Variants in KCNN3 observed in about 807,000 individuals in gnomAD.
KCNN3 encodes the protein small conductance calcium-activated potassium channel protein 3.
Under a neutral mutation model 62.9 loss-of-function variants are expected in KCNN3, and 16 were observed. The ratio of observed to expected loss-of-function variants is 0.25; its 90% CI spans 0.17 to 0.39. The LOEUF (loss-of-function observed/expected upper bound fraction) is 0.39. Ranked by LOEUF, KCNN3 falls within the 10% of genes least tolerant of loss-of-function variation. KCNN3 has a pLI of 1.00. For synonymous variants in KCNN3, 370 were observed against 389.2 expected (o/e 0.95, Z 0.58); for missense variants, 599 against 949.4 (o/e 0.63, Z 4.85).
rs1302977603 is a variant in KCNN3, at chr1:154,698,084, C to T, written c.*9892G>A. ...TTGGAGGAAGAGCTTTAAGGAATGA[C>T]AGCAGTAGAAATGCAGCTAGATATA... On this transcript the variant is annotated 3_prime_UTR_variant, in exon 8 of 8. Transcript: ENST00000271915. 1 of 152,154 alleles carries T rather than the reference C, an allele frequency of 6.6e-6. No homozygotes were observed. The highest frequency in any genetic ancestry group is 1.5e-5 in the Non-Finnish European group (1 of 68,014). 9.4% of individuals were successfully genotyped at this position (152,154 alleles called of 1,614,324 possible).
intron 7 of KCNN3, among the ~76,000 whole-genome samples, chr1:154,711,064 T>C (rs928169968): frequency 1.3e-5 from 2 of 152,104 alleles, no homozygotes; most frequent in African/African-American, 2.4e-5. Flanking sequence ...TGTGGCACTA[T>C]TCACAATAGC....
Position 154,869,007 on chromosome 1 carries a change from T to A in KCNN3, c.933+25A>T. On this transcript the variant is annotated intron_variant, in intron 1 of 7. Coordinates refer to ENST00000271915, the MANE Select transcript of KCNN3 (RefSeq NM_002249.6). The surrounding 1 kb of genome is among the most constrained non-coding windows in gnomAD (Gnocchi z 6.1). ...ACCTACATATTCCTTTTGTTCAAGG[T>A]ATAAAGAGAAACCACAGCCCCTACC... is the stretch of plus-strand genomic sequence containing the variant. The A allele has an allele frequency of 1.2e-6, 2 of 1,611,226 alleles. No homozygotes were observed. Among genetic ancestry groups the A allele is most frequent in the Non-Finnish European group, 1.7e-6 (2 of 1,177,742 alleles).
chr1:154,786,189 G>T (rs1649275089), intron 2 of KCNN3, among the ~76,000 whole-genome samples: 4 of 152,014 alleles, frequency 2.6e-5, no homozygotes, highest in Admixed American at 2.0e-4. Flanking sequence ...CAGCGCCCAG[G>T]GCCACCCAAA....
At chr1:154,838,931 A>C (rs1651710809) in intron 1 of KCNN3, among the ~76,000 whole-genome samples, 1 of 152,266 alleles carries the variant, frequency 6.6e-6, no homozygotes, top group African/African-American at 2.4e-5. Flanking sequence ...CTTTGACAGT[A>C]CCTTGTTTCT....
intron 1 of KCNN3, chr1:154,859,798 G>A (rs996142683): frequency 1.2e-6 from 2 of 1,613,588 alleles, no homozygotes; most frequent in Non-Finnish European, 1.7e-6. Context: ...AGGAGTAGGT[G>A]CCAGCTCAGT....
chr1:154,744,458 G>A (rs1040179227), intron 3 of KCNN3, among the ~76,000 whole-genome samples: 5 of 152,246 alleles, frequency 3.3e-5, no homozygotes, highest in South Asian at 2.1e-4. Context: ...AGGGTGGGGC[G>A]TGGAGGCAGC....
At chr1:154,765,972 T>C (rs1234128561) in intron 3 of KCNN3, among the ~76,000 whole-genome samples, 1 of 152,090 alleles carries the variant, frequency 6.6e-6, no homozygotes, top group Non-Finnish European at 1.5e-5. Flanking sequence ...AATGTTGCTT[T>C]TTGTTTTTCA....
chr1:154,761,926 T>C (rs1648036348), intron 3 of KCNN3, among the ~76,000 whole-genome samples: 1 of 152,064 alleles, frequency 6.6e-6, no homozygotes, highest in South Asian at 2.1e-4. Flanking sequence ...GGCGACAGAA[T>C]GAGACTCCGC....
chr1:154,748,729 G>A (rs562978821), intron 3 of KCNN3, among the ~76,000 whole-genome samples: 6 of 152,332 alleles, frequency 3.9e-5, no homozygotes, highest in Middle Eastern at 3.4e-3. Context: ...GGGAGGCTGA[G>A]ACAGAAGGAT....
At chr1:154,808,293 G>C (rs958644877) in intron 2 of KCNN3, among the ~76,000 whole-genome samples, 1 of 152,064 alleles carries the variant, frequency 6.6e-6, no homozygotes, top group Non-Finnish European at 1.5e-5. Context: ...TTCCCTTTAC[G>C]ATCAGCTGCA....
chr1:154,711,164 TA>T (rs1175290323), intron 7 of KCNN3, among the ~76,000 whole-genome samples: 1 of 151,508 alleles, frequency 6.6e-6, no homozygotes, highest in Non-Finnish European at 1.5e-5. Context: ...TATGCAGCCA[TA>T]AAAAATGATG....
intron 2 of KCNN3, among the ~76,000 whole-genome samples, chr1:154,802,399 AAC>A (rs1438171133): frequency 1.3e-5 from 2 of 152,122 alleles, no homozygotes; most frequent in East Asian, 3.9e-4. Flanking sequence ...AGTTTGAAAA[AAC>A]ACAGGGAGCA....
intron 7 of KCNN3, 137 bp downstream of exon 7, chr1:154,713,327 T>C: frequency 1.4e-6 from 1 of 705,608 alleles, no homozygotes; most frequent in African/African-American, 1.7e-5. Flanking sequence ...CTAGGTATTT[T>C]TGAACCAAGC....
chr1:154,840,916 G>A (rs1215179825), intron 1 of KCNN3, among the ~76,000 whole-genome samples: 3 of 152,236 alleles, frequency 2.0e-5, no homozygotes, highest in Non-Finnish European at 2.9e-5. Context: ...CTGAGTGTGT[G>A]CACCGCACCC....
chr1:154,740,366 T>G (rs114023253), intron 3 of KCNN3, among the ~76,000 whole-genome samples: 1,771 of 152,294 alleles, frequency 0.012, 39 homozygotes, highest in African/African-American at 0.041. Context: ...TACTGTAGCC[T>G]CAAACTCCTG....
At position 154,699,304 on chromosome 1, in the gene KCNN3, A is replaced by G. The variant is rs1699804356; in HGVS notation, c.*8672T>C. The G allele has an allele frequency of 6.6e-6, 1 of 152,112 alleles. No homozygotes were observed. The highest frequency in any genetic ancestry group is 1.5e-5 in the Non-Finnish European group (1 of 68,008). 9.4% of individuals were successfully genotyped at this position (152,112 alleles called of 1,614,324 possible). A position where few individuals can be genotyped will look rare whatever the true frequency, so the allele number is the denominator to read the frequency against. On this transcript the variant is annotated 3_prime_UTR_variant, in exon 8 of 8. Transcript: ENST00000271915. ...AAGGTCTCACTAAACAAATAAACAT[A>G]GGACCAGACAAAAGAAATGGAGCTG...
At chr1:154,853,955 GC>G (rs932172043) in intron 1 of KCNN3, among the ~76,000 whole-genome samples, 25 of 150,300 alleles carry the variant, frequency 1.7e-4, no homozygotes, top group African/African-American at 5.9e-4. Context: ...CAAAAAAAAA[GC>G]TGGGCGCGGT....
At chr1:154,815,456 T>G (rs1256589601) in intron 2 of KCNN3, among the ~76,000 whole-genome samples, 5 of 152,148 alleles carry the variant, frequency 3.3e-5, no homozygotes, top group Non-Finnish European at 7.3e-5. Flanking sequence ...GAGAAATGCA[T>G]CACTCCCTCC....
chr1:154,851,375 C>T (rs940139129), intron 1 of KCNN3, among the ~76,000 whole-genome samples: 10 of 152,296 alleles, frequency 6.6e-5, no homozygotes, highest in African/African-American at 7.2e-5. Context: ...AAGCTTGCCA[C>T]GGCCTCAAGC....
Sources: gnomAD v4.1 joint callset for allele counts (sites outside exome capture counted in the v4.1 genomes callset) on GRCh38, gnomAD v4.1.1 for gene constraint, Gnocchi (gnomAD v3.1) non-coding constraint, MANE v1.5 for transcripts, NCBI Gene and HGNC (gene_info 2026-07-23, HGNC 2026-07-21) for gene names.